ACAA2: variants seen among roughly 807,000 people sequenced by gnomAD.
ACAA2 encodes the protein acetyl-CoA acyltransferase 2.
A neutral mutation model predicts 44.8 loss-of-function variants in ACAA2; 35 were observed. That is an observed-to-expected ratio of 0.78 (90% confidence interval 0.60 to 1.04). ACAA2 has a LOEUF of 1.04. Among genes scored for constraint, ACAA2 ranks in the 50% least tolerant of loss-of-function variants. The pLI is 0.00. For missense variants in ACAA2, 468 were observed against 482.6 expected, an observed-to-expected ratio of 0.97 and a Z score of 0.28; for synonymous variants, 142 against 166.5, an observed-to-expected ratio of 0.85 and a Z score of 1.13.
chr18:49,810,797 C>T (rs1477289400), intron 1 of ACAA2, among the ~76,000 whole-genome samples: 1 of 151,792 alleles, frequency 6.6e-6, no homozygotes, highest in Non-Finnish European at 1.5e-5. Context: ...AAGCAATCCT[C>T]CACCACAGCC....
At chr18:49,793,486 T>G (rs1461576476) in intron 5 of ACAA2, among the ~76,000 whole-genome samples, 2 of 152,218 alleles carry the variant, frequency 1.3e-5, no homozygotes, top group Admixed American at 6.5e-5. Context: ...CTGATAACTC[T>G]TGACTTCTAG....
intron 2 of ACAA2, among the ~76,000 whole-genome samples, chr18:49,798,025 G>A (rs915143033): frequency 6.6e-6 from 1 of 152,086 alleles, no homozygotes; most frequent in Non-Finnish European, 1.5e-5. Context: ...AATGGAATAC[G>A]CTATCCTAAA....
chr18:49,788,500 C>G lies in ACAA2; in HGVS notation c.884-1139G>C, dbSNP rs561621641. On this transcript the variant is annotated intron_variant, in intron 7 of 9. Coordinates refer to ENST00000285093, the MANE Select transcript of ACAA2 (RefSeq NM_006111.3). ...GCACTTCAATTTAAAATGCCAGTTTCATGTGGCTACTGATTTACTACAGCT... is the reference window on the plus strand; with the variant it reads ...GCACTTCAATTTAAAATGCCAGTTTGATGTGGCTACTGATTTACTACAGCT... Among the ~76,000 whole-genome samples, 15 of 152,278 alleles carry G rather than the reference C, an allele frequency of 9.9e-5. No homozygotes were observed. The South Asian group carries it at 3.1e-3, about 32-fold the overall frequency.
At chr18:49,791,304 T>C (rs2023395697) in intron 7 of ACAA2, among the ~76,000 whole-genome samples, 166 bp downstream of exon 7, 1 of 152,218 alleles carries the variant, frequency 6.6e-6, no homozygotes, top group African/African-American at 2.4e-5. Context: ...GGTTTTTCTA[T>C]TGTGTCTAGG....
At chr18:49,800,398 C>T (rs531816218) in intron 2 of ACAA2, among the ~76,000 whole-genome samples, 1 of 152,278 alleles carries the variant, frequency 6.6e-6, no homozygotes, top group South Asian at 2.1e-4. Context: ...GGGAGGTGTG[C>T]CCAGCAGCTC....
chr18:49,799,391 T>A (rs1036894243), intron 2 of ACAA2, among the ~76,000 whole-genome samples: 1 of 134,086 alleles, frequency 7.5e-6, no homozygotes, highest in Admixed American at 7.3e-5. Flanking sequence ...GTTTTCGTAT[T>A]TTTTTGGTGG....
chr18:49,787,804 T>TTAA (rs1327866243), intron 7 of ACAA2, among the ~76,000 whole-genome samples: 1 of 152,202 alleles, frequency 6.6e-6, no homozygotes, highest in Non-Finnish European at 1.5e-5. Context: ...TTTAGTTATG[T>TTAA]TAATAGATTA....
intron 2 of ACAA2, among the ~76,000 whole-genome samples, chr18:49,801,366 A>G (rs921812375): frequency 2.0e-5 from 3 of 152,348 alleles, no homozygotes; most frequent in African/African-American, 7.2e-5. Context: ...TGTGTTATAA[A>G]GTTTGAGAGA....
intron 2 of ACAA2, among the ~76,000 whole-genome samples, chr18:49,799,863 G>T (rs12966881): frequency 7.7e-5 from 2 of 25,982 alleles, no homozygotes; most frequent in African/African-American, 3.1e-4. Flanking sequence ...GCCTCTGCCC[G>T]GCCGCGACCC....
chr18:49,800,514 A>T (rs555513687), intron 2 of ACAA2, among the ~76,000 whole-genome samples: 1 of 152,316 alleles, frequency 6.6e-6, no homozygotes, highest in East Asian at 1.9e-4. Context: ...GTGTGGAAAG[A>T]AGTAGACATG....
intron 1 of ACAA2, among the ~76,000 whole-genome samples, chr18:49,804,470 G>A (rs745350992): frequency 2.2e-4 from 34 of 152,262 alleles, no homozygotes; most frequent in Non-Finnish European, 4.4e-4. Context: ...TCCAGTATCT[G>A]AAGTCAGCTA....
In ACAA2 at chr18:49,791,619, G is replaced by T; in HGVS notation, c.754-20C>A. ...TACACCCTTGAAAATAAAAATACTA[G>T]ATTAACTAAAGGCTAAAATAATCCA... On this transcript the variant is annotated intron_variant, in intron 6 of 9. Coordinates refer to ENST00000285093, the MANE Select transcript of ACAA2 (RefSeq NM_006111.3). The T allele has an allele frequency of 6.2e-7, 1 of 1,610,424 alleles. No individual in the cohort carries two copies. The highest frequency in any genetic ancestry group is 2.2e-5 in the East Asian group (1 of 44,764).
intron 8 of ACAA2, among the ~76,000 whole-genome samples, chr18:49,786,924 TATTGCTTTTCTA>T (rs2023337044): frequency 6.6e-6 from 1 of 152,160 alleles, no homozygotes; most frequent in Non-Finnish European, 1.5e-5. Context: ...TGGCACTAAA[TATTGCTTTTCTA>T]TTATGTCAAT....
At chr18:49,807,451 A>G (rs2023621188) in intron 1 of ACAA2, among the ~76,000 whole-genome samples, 1 of 152,228 alleles carries the variant, frequency 6.6e-6, no homozygotes, top group African/African-American at 2.4e-5. Context: ...AAAAATCTAC[A>G]TGGCTTTGGG....
intron 1 of ACAA2, among the ~76,000 whole-genome samples, chr18:49,803,580 C>T (rs889554073): frequency 2.0e-5 from 3 of 152,300 alleles, no homozygotes; most frequent in Admixed American, 2.0e-4. Context: ...GACTGTGGCT[C>T]GTCCTGCTAC....
chr18:49,790,560 G>T (rs956770699), intron 7 of ACAA2, among the ~76,000 whole-genome samples: 1 of 152,176 alleles, frequency 6.6e-6, no homozygotes, highest in African/African-American at 2.4e-5. Context: ...TCCTTACAGT[G>T]GGAGGTTATA....
At position 49,782,282 on chromosome 18, in the gene ACAA2, G is replaced by A. The variant is rs1267839354; in HGVS notation, c.*1565C>T. The A allele has an allele frequency of 6.6e-6, 1 of 152,150 alleles. No individual in the cohort carries two copies. The highest frequency in any genetic ancestry group is 1.5e-5 in the Non-Finnish European group (1 of 68,030). The allele number at this position is 152,150 out of a possible 1,614,324, so 9.4% of individuals were successfully genotyped here. ...GTAAGGATCCCAAACAATAAAAGCT[G>A]GACTTGCCTGTTGCCACTAGTCCAT... On this transcript the variant is annotated 3_prime_UTR_variant, in exon 10 of 10. Transcript: ENST00000285093.
intron 2 of ACAA2, among the ~76,000 whole-genome samples, chr18:49,802,455 G>A (rs1485152248): frequency 2.6e-5 from 4 of 151,798 alleles, no homozygotes; most frequent in South Asian, 2.1e-4. Context: ...CCAGCTACTC[G>A]GGAGGCTGAG....
intron 5 of ACAA2, 137 bp downstream of exon 5, chr18:49,794,143 G>C (rs2023437745): frequency 1.4e-6 from 1 of 735,020 alleles, no homozygotes; most frequent in Non-Finnish European, 2.0e-6. Context: ...ATCATCTAAA[G>C]ACAAAGGAAT....
Sources: allele counts gnomAD v4.1 joint callset (sites outside exome capture counted in the v4.1 genomes callset), GRCh38; gene constraint gnomAD v4.1.1; transcripts MANE v1.5; gene names NCBI Gene and HGNC (gene_info 2026-07-23, HGNC 2026-07-21).